Variants in NBEAL1 observed in about 807,000 individuals in gnomAD.
NBEAL1 encodes neurobeachin like 1, also known as neurobeachin-like protein 1.
In NBEAL1, 273 loss-of-function variants were observed where a neutral mutation model predicts 351.3. The ratio of observed to expected loss-of-function variants is 0.78; its 90% CI spans 0.70 to 0.86. The LOEUF (loss-of-function observed/expected upper bound fraction) is 0.86, where lower values mean the gene tolerates loss of function less well. NBEAL1 is among the 40% of genes least tolerant of loss of function. The pLI, the probability that NBEAL1 is intolerant of heterozygous loss-of-function variation, is 0.00. For synonymous variants in NBEAL1, 1,050 were observed against 1,086.4 expected (o/e 0.97, Z 0.66); for missense variants, 2,961 against 3,201.3 (o/e 0.92, Z 1.81).
At chr2:203,172,327 C>T (rs973385205) in intron 40 of NBEAL1, among the ~76,000 whole-genome samples, 1 of 152,004 alleles carries the variant, frequency 6.6e-6, no homozygotes, top group South Asian at 2.1e-4. Flanking sequence ...TTGAGACGAG[C>T]CTAGTCAACA....
chr2:203,026,722 C>T (rs1281075219), intron 2 of NBEAL1, among the ~76,000 whole-genome samples: 1 of 152,128 alleles, frequency 6.6e-6, no homozygotes, highest in African/African-American at 2.4e-5. Context: ...ACCATGTTGG[C>T]CAGGATGGTC....
intron 14 of NBEAL1, among the ~76,000 whole-genome samples, chr2:203,109,556 G>T (rs2062514825): frequency 6.6e-6 from 1 of 151,548 alleles, no homozygotes; most frequent in East Asian, 1.9e-4. Flanking sequence ...TTTTGCTCTT[G>T]TCGCCCAGGC....
chr2:203,079,556 G>A (rs142085662), intron 8 of NBEAL1, among the ~76,000 whole-genome samples: 3 of 151,992 alleles, frequency 2.0e-5, no homozygotes, highest in East Asian at 3.9e-4. Flanking sequence ...ATCTTAGGTC[G>A]AAAGTTTTTA....
intron 2 of NBEAL1, among the ~76,000 whole-genome samples, chr2:203,023,162 G>C (rs2060796184): frequency 6.6e-6 from 1 of 152,150 alleles, no homozygotes; most frequent in Non-Finnish European, 1.5e-5. Context: ...TACAATTTTG[G>C]TTATAATCCT....
rs935735970 is a variant in NBEAL1, at chr2:203,036,083, C to T, written c.52-5682C>T. 2.0e-5 allele frequency among the ~76,000 whole-genome samples: 3 copies of T among 149,220 alleles called. 1 individual carries two copies. The highest frequency in any genetic ancestry group is 4.5e-5 in the Non-Finnish European group (3 of 66,530). ...GTCCAAGTAATTTGGCTCCAGCACTCCTGCACTACTTAATACATTTGTGTG... is the reference window on the plus strand; with the variant it reads ...GTCCAAGTAATTTGGCTCCAGCACTTCTGCACTACTTAATACATTTGTGTG... On this transcript the variant is annotated intron_variant, in intron 2 of 55. Coordinates refer to ENST00000683969, the MANE Select transcript of NBEAL1 (RefSeq NM_001378026.1).
At chr2:203,176,375 C>A (rs7565561) in intron 42 of NBEAL1, among the ~76,000 whole-genome samples, 66,197 of 151,350 alleles carry the variant, frequency 0.44, 16,755 homozygotes, top group Middle Eastern at 0.67. Context: ...AGTGATCAGC[C>A]CACCTTGGCC....
At chr2:203,039,665 A>G (rs1051437021) in intron 2 of NBEAL1, among the ~76,000 whole-genome samples, 1 of 152,190 alleles carries the variant, frequency 6.6e-6, no homozygotes, top group Non-Finnish European at 1.5e-5. Flanking sequence ...AAGTGCTGGA[A>G]TTACTGGCAT....
At chr2:203,041,954 C>T in intron 3 of NBEAL1, 98 bp downstream of exon 3, 2 of 779,692 alleles carry the variant, frequency 2.6e-6, no homozygotes, top group East Asian at 2.7e-5. Flanking sequence ...AATTATGTTA[C>T]CCTCTTGATA....
chr2:203,121,669 A>C (rs1345146560), intron 18 of NBEAL1, among the ~76,000 whole-genome samples: 4 of 151,858 alleles, frequency 2.6e-5, no homozygotes, highest in Middle Eastern at 3.4e-3. Context: ...AAAAAAAAAA[A>C]CATCACTGTG....
At position 203,208,749 on chromosome 2, in the gene NBEAL1, C is replaced by T. The variant is rs2065684314; in HGVS notation, c.7619C>T (p.Ser2540Leu). 1.3e-6 allele frequency: 2 copies of T among 1,583,198 alleles called. No individual in the cohort carries two copies. Among genetic ancestry groups the T allele is most frequent in the East Asian group, 4.5e-5 (2 of 44,594 alleles). The change falls in exon 52 of 56, where the codon TCA becomes TTA. Residue 2540 changes from serine to leucine, a missense_variant. By Grantham distance (145) the Ser-to-Leu change is moderately radical. Transcript: ENST00000683969. ...GAGCTAGACATGGCAGTGTCAGGAT[C>T]AAGGGTAAGATTTCACCTTTAAGAA... ...STELDMAVSG[S>L]RDGTVIIHTI...
rs559094670 is a variant in NBEAL1 at position 203,219,265 on chromosome 2, T to G, written c.*1911T>G. 5.9e-5 allele frequency: 9 copies of G among 152,130 alleles called. No homozygotes were observed. The highest frequency in any genetic ancestry group is 2.1e-4 in the South Asian group (1 of 4,828). The allele number at this position is 152,130 out of a possible 1,614,324, so 9.4% of individuals were successfully genotyped here. On this transcript the variant is annotated 3_prime_UTR_variant, in exon 56 of 56. Coordinates refer to ENST00000683969, the MANE Select transcript of NBEAL1 (RefSeq NM_001378026.1). ...TAAATCAAAACCTACTAAGTTTTAT[T>G]TTGTTATTTATCCAGAGATTTTGAT... is the stretch of plus-strand genomic sequence containing the variant.
intron 31 of NBEAL1, among the ~76,000 whole-genome samples, chr2:203,141,513 G>T (rs149803042): frequency 6.7e-6 from 1 of 149,288 alleles, no homozygotes; most frequent in African/African-American, 2.5e-5. Context: ...CTCCCAAGTC[G>T]TTGGGGCTAC....
At position 203,172,813 on chromosome 2, in the gene NBEAL1, G is replaced by C. The variant is rs1210886928; in HGVS notation, c.6283G>C (p.Gly2095Arg). The stretch of plus-strand genomic sequence containing the variant: ...ATTTCGAGATCTTTCCAAACCAATT[G>C]GGGTAGTTAATGAAAAAAACGCCAA... ...AVFRDLSKPIGVVNEKNAKAM... is the reference protein window; with the variant it reads ...AVFRDLSKPIRVVNEKNAKAM... Residue 2095 changes from glycine to arginine, a missense_variant, in exon 41 of 56, where the codon GGG becomes CGG. By Grantham distance (125) the Gly-to-Arg change is moderately radical. Coordinates refer to ENST00000683969, the MANE Select transcript of NBEAL1 (RefSeq NM_001378026.1). The C allele has an allele frequency of 6.2e-7, 1 of 1,610,150 alleles. No homozygotes were observed. The highest frequency in any genetic ancestry group is 8.5e-7 in the Non-Finnish European group (1 of 1,178,060).
Position 203,217,719 on chromosome 2 carries a change from T to G in NBEAL1, c.*365T>G. The G allele has an allele frequency of 1.0e-6, 1 of 969,306 alleles. No individual in the cohort carries two copies. The highest frequency in any genetic ancestry group is 1.2e-6 in the Non-Finnish European group (1 of 814,766). The allele number at this position is 969,306 out of a possible 1,614,324, so 60.0% of individuals were successfully genotyped here. A position where few individuals can be genotyped will look rare whatever the true frequency, so the allele number is the denominator to read the frequency against. ...AGAGAGATGGCTTTAAATACATTCTTAAGTAATCATTTTCCTATTTACTGA... is the reference window on the plus strand; with the variant it reads ...AGAGAGATGGCTTTAAATACATTCTGAAGTAATCATTTTCCTATTTACTGA... On this transcript the variant is annotated 3_prime_UTR_variant, in exon 56 of 56. Transcript: ENST00000683969.
intron 6 of NBEAL1, among the ~76,000 whole-genome samples, chr2:203,063,448 A>AGGAGGGAGGGAGGGAG (rs556653752): frequency 8.7e-6 from 1 of 114,350 alleles, no homozygotes; most frequent in Admixed American, 1.1e-4. Flanking sequence ...TGAAAGAAAG[A>AGGAGGGAGGGAGGGAG]GGAGGGAGGG....
At position 203,163,061 on chromosome 2, in the gene NBEAL1, G is replaced by A. The variant is rs1326047995; in HGVS notation, c.5715-3088G>A. ...AATCCCAGCTACTCAGAAGGCTGAGGCAGGGGAATCTCTTGAACCTGGGAG... is the reference window on the plus strand; with the variant it reads ...AATCCCAGCTACTCAGAAGGCTGAGACAGGGGAATCTCTTGAACCTGGGAG... On this transcript the variant is annotated intron_variant, in intron 36 of 55. Coordinates refer to ENST00000683969, the MANE Select transcript of NBEAL1 (RefSeq NM_001378026.1). 3.9e-5 allele frequency among the ~76,000 whole-genome samples: 6 copies of A among 152,344 alleles called. No homozygotes were observed. The East Asian group carries it at 9.6e-4, about 24-fold the overall frequency.
rs775601915 is a variant in NBEAL1, at chr2:203,188,564, C to T, written c.6798C>T (p.Asn2266=). The T allele has an allele frequency of 3.0e-5, 48 of 1,602,850 alleles. No homozygotes were observed. The highest frequency in any genetic ancestry group is 5.6e-5 in the South Asian group (5 of 89,580). ...GACCAGCTGCAGTAGAGGCACTCAA[C>T]GTTTTCTATTATTGTAGTTATGAAG... ...QRGPAAVEAL[N]VFYYCSYEGA... Residue 2266 remains asparagine (N), a synonymous_variant, in exon 45 of 56, where the codon AAC becomes AAT. Coordinates refer to ENST00000683969, the MANE Select transcript of NBEAL1 (RefSeq NM_001378026.1).
At chr2:203,154,356 T>C in intron 35 of NBEAL1, among the ~76,000 whole-genome samples, 1 of 152,236 alleles carries the variant, frequency 6.6e-6, no homozygotes, top group East Asian at 1.9e-4. Context: ...CTTTAATATC[T>C]TTAAAGTTCT....
chr2:203,213,904 A>G lies in NBEAL1; in HGVS notation c.8070+251A>G, dbSNP rs1035542588. On this transcript the variant is annotated intron_variant, in intron 55 of 55. Transcript: ENST00000683969. ...GGAATAAGACAGTTCATTTCTTCCA[A>G]ATCTAGATTCAAGACCACAACTTAG... 3 of 534,314 alleles carry G rather than the reference A, an allele frequency of 5.6e-6. No individual in the cohort carries two copies. In the African/African-American group the frequency reaches 6.2e-5, roughly 11 times the overall value. The allele number at this position is 534,314 out of a possible 1,614,324, so 33.1% of individuals were successfully genotyped here. A position where few individuals can be genotyped will look rare whatever the true frequency, so the allele number is the denominator to read the frequency against.
Sources: allele counts gnomAD v4.1 joint callset (sites outside exome capture counted in the v4.1 genomes callset), GRCh38; gene constraint gnomAD v4.1.1; transcripts MANE v1.5; gene names NCBI Gene and HGNC (gene_info 2026-07-23, HGNC 2026-07-21).